Variants in PCDHA5 observed in about 807,000 individuals in gnomAD.
PCDHA5 encodes the protein protocadherin alpha 5, also known as protocadherin alpha-5.
In PCDHA5, 43 loss-of-function variants were observed where a neutral mutation model predicts 61.6. The observed-to-expected ratio is 0.70, with a 90% confidence interval of 0.55 to 0.90. The LOEUF is 0.90. Among genes scored for constraint, PCDHA5 ranks in the 40% least tolerant of loss-of-function variants. PCDHA5 has a pLI of 0.00. For synonymous variants in PCDHA5, 627 were observed against 543.9 expected (o/e 1.15, Z -2.13); for missense variants, 1,298 against 1,222.7 (o/e 1.06, Z -0.92).
At chr5:140,928,139 C>T in intron 1 of PCDHA5, 2 of 1,614,174 alleles carry the variant, frequency 1.2e-6, no homozygotes, top group Non-Finnish European at 8.5e-7. Flanking sequence ...GTCCTGATCA[C>T]GGCCTCAGAT....
At chr5:140,869,355 G>A (rs782391359) in intron 1 of PCDHA5, 19 of 1,614,012 alleles carry the variant, frequency 1.2e-5, no homozygotes, top group Admixed American at 1.7e-5. Context: ...ATGGCATTTT[G>A]TTTGTGAATT....
At chr5:140,949,932 TA>T (rs1438940739) in intron 1 of PCDHA5, among the ~76,000 whole-genome samples, 2 of 151,648 alleles carry the variant, frequency 1.3e-5, no homozygotes, top group African/African-American at 2.4e-5. Context: ...AGATTTTTTT[TA>T]ATTTGCATTT....
chr5:140,926,812 G>C, intron 1 of PCDHA5: 3 of 1,459,082 alleles, frequency 2.1e-6, no homozygotes, highest in Non-Finnish European at 1.8e-6. Flanking sequence ...CCCGCGGCTC[G>C]TGCTCTCCAG....
At chr5:140,857,215 G>A in intron 1 of PCDHA5, 1 of 1,598,474 alleles carries the variant, frequency 6.3e-7, no homozygotes. Flanking sequence ...GCTCTCTGAC[G>A]CCTCACGTTC....
chr5:140,843,844 A>G lies in PCDHA5; in HGVS notation c.2352+19717A>G, dbSNP rs2150367130. Reference sequence around the variant, plus strand: ...TTTAAACATTGTTTAGTTTTTAGAAACCTTTTATAATTAATTGAATTTTCT... The same window carrying G: ...TTTAAACATTGTTTAGTTTTTAGAAGCCTTTTATAATTAATTGAATTTTCT... On this transcript the variant is annotated intron_variant, in intron 1 of 3. Coordinates refer to ENST00000529859, the MANE Select transcript of PCDHA5 (RefSeq NM_018908.3). 3.0e-6 allele frequency: 3 copies of G among 1,001,290 alleles called. No individual in the cohort carries two copies. The East Asian group carries it at 7.5e-5, about 25-fold the overall frequency. 62.0% of individuals were successfully genotyped at this position (1,001,290 alleles called of 1,614,324 possible). A position where few individuals can be genotyped will look rare whatever the true frequency, so the allele number is the denominator to read the frequency against.
Position 141,009,839 on chromosome 5 carries a change from A to G in PCDHA5, c.2713A>G (p.Lys905Glu), listed in dbSNP as rs2098414795. 6.2e-7 allele frequency: 1 copy of G among 1,614,164 alleles called. No individual in the cohort carries two copies. Residue 905 changes from lysine (K) to glutamate (E), a missense_variant, in exon 4 of 4, where the codon AAG becomes GAG. Coordinates refer to ENST00000529859, the MANE Select transcript of PCDHA5 (RefSeq NM_018908.3). The part of the protein sequence containing the change: ...DKSDFITFGK[K>E]EETKKKKKKK... ...AAGTGACTTCATAACCTTCGGCAAA[A>G]AGGAGGAGACCAAGAAAAAGAAGAA...
chr5:140,920,429 C>T (rs2079631906), intron 1 of PCDHA5, among the ~76,000 whole-genome samples: 1 of 152,136 alleles, frequency 6.6e-6, no homozygotes. Flanking sequence ...TTCTCCCACA[C>T]ACCTCTTTTA....
At chr5:140,876,906 G>C (rs782762108) in intron 1 of PCDHA5, 10 of 1,613,910 alleles carry the variant, frequency 6.2e-6, no homozygotes, top group Middle Eastern at 3.3e-4. Flanking sequence ...TCACGGTGTC[G>C]GCATGGGACG....
chr5:140,840,163 A>T (rs2150304163), intron 1 of PCDHA5, among the ~76,000 whole-genome samples: 1 of 152,162 alleles, frequency 6.6e-6, no homozygotes, highest in African/African-American at 2.4e-5. Context: ...GAGAGATGGG[A>T]TGTATACAAA....
chr5:140,829,742 C>T (rs1770532767), intron 1 of PCDHA5: 2 of 1,613,562 alleles, frequency 1.2e-6, no homozygotes, highest in Admixed American at 1.7e-5. Flanking sequence ...CAACGTGACG[C>T]TGCAGGTGTT....
chr5:140,957,133 A>G (rs1308855631), intron 1 of PCDHA5, among the ~76,000 whole-genome samples: 4 of 152,222 alleles, frequency 2.6e-5, no homozygotes, highest in African/African-American at 9.6e-5. Context: ...TTACTACACT[A>G]TGAACTAAAA....
intron 1 of PCDHA5, chr5:140,829,559 G>C (rs2150170055): frequency 6.2e-7 from 1 of 1,612,768 alleles, no homozygotes; most frequent in Non-Finnish European, 8.5e-7. Flanking sequence ...GAACGCGCTG[G>C]TGTCCTACTC....
At position 140,870,536 on chromosome 5, in the gene PCDHA5, C is replaced by T. The variant is rs782205013; in HGVS notation, c.2352+46409C>T. On this transcript the variant is annotated intron_variant, in intron 1 of 3. Transcript: ENST00000529859. ...GGCTGCCACATCTTCACAGTGTCGGCGCGGGACGCGGACGCGCAGGAGAAC... is the reference window on the plus strand; with the variant it reads ...GGCTGCCACATCTTCACAGTGTCGGTGCGGGACGCGGACGCGCAGGAGAAC... 1.1e-5 allele frequency: 18 copies of T among 1,614,036 alleles called. No individual in the cohort carries two copies. The Admixed American group carries it at 3.0e-4, about 27-fold the overall frequency.
rs201572428 is a variant in PCDHA5, at chr5:140,982,529, T to A, written c.2466T>A (p.Asp822Glu). 220 of 1,614,200 alleles carry A rather than the reference T, an allele frequency of 1.4e-4. No homozygotes were observed. Among genetic ancestry groups the A allele is most frequent in the Non-Finnish European group, 1.7e-4 (202 of 1,180,036 alleles). Reference sequence around the variant, plus strand: ...TACGGGCTGGTCCAGGAGGGCCTGATCAGCAGTGGCCAACAGTATCCAGTG... The same window carrying A: ...TACGGGCTGGTCCAGGAGGGCCTGAACAGCAGTGGCCAACAGTATCCAGTG... ...GILRAGPGGP[D>E]QQWPTVSSAT... Residue 822 changes from aspartate (D) to glutamate (E), a missense_variant, in exon 3 of 4, where the codon GAT becomes GAA. Transcript: ENST00000529859.
chr5:140,939,758 T>G (rs2092452335), intron 1 of PCDHA5, among the ~76,000 whole-genome samples: 1 of 152,234 alleles, frequency 6.6e-6, no homozygotes, highest in Non-Finnish European at 1.5e-5. Context: ...TGTCATTATA[T>G]AGTATTTCAG....
rs1489202467 is a variant in PCDHA5 at position 140,882,704 on chromosome 5, A to G, written c.2352+58577A>G. ...GAAACGAATAATCATTGCAGAATCTAGACCTCCGGAAACTCGATTTCCACT... is the reference window on the plus strand; with the variant it reads ...GAAACGAATAATCATTGCAGAATCTGGACCTCCGGAAACTCGATTTCCACT... On this transcript the variant is annotated intron_variant, in intron 1 of 3. Coordinates refer to ENST00000529859, the MANE Select transcript of PCDHA5 (RefSeq NM_018908.3). 6 of 1,614,110 alleles carry G rather than the reference A, an allele frequency of 3.7e-6. No individual in the cohort carries two copies. The African/African-American group carries it at 8.0e-5, about 22-fold the overall frequency.
intron 1 of PCDHA5, among the ~76,000 whole-genome samples, chr5:140,953,052 C>T (rs2094839858): frequency 6.6e-6 from 1 of 152,206 alleles, no homozygotes; most frequent in Non-Finnish European, 1.5e-5. Flanking sequence ...ATCCAATCAC[C>T]TCTCACAGGC....
chr5:140,842,047 C>T (rs2150327967), intron 1 of PCDHA5: 2 of 1,613,806 alleles, frequency 1.2e-6, no homozygotes, highest in Non-Finnish European at 8.5e-7. Context: ...CTCCCACTTT[C>T]GAACAGTCTG....
At chr5:140,967,692 G>A (rs781940460) in intron 1 of PCDHA5, 12 of 1,614,196 alleles carry the variant, frequency 7.4e-6, no homozygotes, top group South Asian at 1.1e-5. Flanking sequence ...CAGCTCTTCA[G>A]CATAGATGCC....
Sources: allele counts gnomAD v4.1 joint callset (sites outside exome capture counted in the v4.1 genomes callset), GRCh38; gene constraint gnomAD v4.1.1; transcripts MANE v1.5; gene names NCBI Gene and HGNC (gene_info 2026-07-23, HGNC 2026-07-21).